Variants in JAKMIP2 observed in about 807,000 individuals in gnomAD.
JAKMIP2 encodes the protein janus kinase and microtubule interacting protein 2.
In JAKMIP2, 25 loss-of-function variants were observed where a neutral mutation model predicts 115.0. The ratio of observed to expected loss-of-function variants is 0.22; its 90% CI spans 0.16 to 0.30. The LOEUF (loss-of-function observed/expected upper bound fraction) is 0.30. Ranked by LOEUF, JAKMIP2 falls within the 10% of genes least tolerant of loss-of-function variation. The probability of loss-of-function intolerance (pLI) is 1.00; values close to 1 mark genes in which losing one functional copy is unlikely to be tolerated. For missense variants in JAKMIP2, 642 were observed against 957.6 expected, an observed-to-expected ratio of 0.67 and a Z score of 4.35; for synonymous variants, 334 against 343.6, an observed-to-expected ratio of 0.97 and a Z score of 0.31.
At chr5:147,618,660 C>T (rs913493292) in intron 18 of JAKMIP2, among the ~76,000 whole-genome samples, 1 of 152,154 alleles carries the variant, frequency 6.6e-6, no homozygotes, top group Non-Finnish European at 1.5e-5. Context: ...ATCACTGGAA[C>T]CCGAGAGGCG....
intron 5 of JAKMIP2, among the ~76,000 whole-genome samples, chr5:147,647,420 G>A (rs892096494): frequency 1.3e-5 from 2 of 151,904 alleles, no homozygotes; most frequent in South Asian, 2.1e-4. Flanking sequence ...AAACAAAAAC[G>A]TAAGCCATAG....
chr5:147,707,604 G>A (rs1052122716), intron 1 of JAKMIP2, among the ~76,000 whole-genome samples: 1 of 152,052 alleles, frequency 6.6e-6, no homozygotes, highest in African/African-American at 2.4e-5. Context: ...GTAGCTACCA[G>A]TGTTTCCCTA....
intron 1 of JAKMIP2, among the ~76,000 whole-genome samples, chr5:147,776,874 G>A (rs1156263517): frequency 6.6e-6 from 1 of 152,234 alleles, no homozygotes; most frequent in East Asian, 1.9e-4. Context: ...GTTGCAGTGA[G>A]CCAAGACCAT....
At chr5:147,613,238 T>C (rs1016807704) in intron 19 of JAKMIP2, among the ~76,000 whole-genome samples, 3 of 152,222 alleles carry the variant, frequency 2.0e-5, no homozygotes, top group Non-Finnish European at 4.4e-5. Context: ...TTTGTGTTCA[T>C]GTACATGGTT....
intron 3 of JAKMIP2, among the ~76,000 whole-genome samples, chr5:147,656,224 T>C (rs1384935152): frequency 6.6e-6 from 1 of 152,242 alleles, no homozygotes; most frequent in African/African-American, 2.4e-5. Context: ...CAGAGCTGAG[T>C]TGAAGTCCTG....
At chr5:147,706,665 G>A (rs969978911) in intron 1 of JAKMIP2, among the ~76,000 whole-genome samples, 4 of 152,048 alleles carry the variant, frequency 2.6e-5, no homozygotes, top group Admixed American at 6.6e-5. Flanking sequence ...ATTACTGATG[G>A]AGTATTTCTA....
At chr5:147,636,723 G>A (rs1330259564) in intron 11 of JAKMIP2, among the ~76,000 whole-genome samples, 10 of 152,166 alleles carry the variant, frequency 6.6e-5, no homozygotes, top group Admixed American at 6.5e-4. Context: ...TTTGTACAGG[G>A]TTCCTCTTCC....
Position 147,782,517 on chromosome 5 carries a change from T to A in JAKMIP2, c.-210A>T. ...GAGATGCAAACTGAATCCATTTTCC[T>A]TGTGACCGAGTCGGATGCAGCCTCC... On this transcript the variant is annotated 5_prime_UTR_variant, in exon 1 of 22. It adds an upstream start codon to the 5' untranslated region. Transcript: ENST00000616793. 1 of 1,529,928 alleles carries A rather than the reference T, an allele frequency of 6.5e-7. No homozygotes were observed. Among genetic ancestry groups the A allele is most frequent in the Non-Finnish European group, 8.8e-7 (1 of 1,141,372 alleles). The allele number at this position is 1,529,928 out of a possible 1,614,324, so 94.8% of individuals were successfully genotyped here.
At chr5:147,751,461 T>C (rs1404492891) in intron 1 of JAKMIP2, among the ~76,000 whole-genome samples, 1 of 151,984 alleles carries the variant, frequency 6.6e-6, no homozygotes, top group East Asian at 1.9e-4. Context: ...GTTTGGGAGA[T>C]GTAGTTTGGC....
chr5:147,599,557 GA>G (rs1388789342), intron 21 of JAKMIP2, among the ~76,000 whole-genome samples: 2 of 152,118 alleles, frequency 1.3e-5, no homozygotes, highest in Non-Finnish European at 2.9e-5. Flanking sequence ...TACTTTGGAG[GA>G]AAAACATCAA....
At chr5:147,625,215 A>G (rs1230199933) in intron 16 of JAKMIP2, among the ~76,000 whole-genome samples, 1 of 152,152 alleles carries the variant, frequency 6.6e-6, no homozygotes, top group East Asian at 1.9e-4. Context: ...TCCTGAGCTC[A>G]GGCAATCCAG....
chr5:147,770,901 T>A (rs1437226495), intron 1 of JAKMIP2, among the ~76,000 whole-genome samples: 1 of 152,122 alleles, frequency 6.6e-6, no homozygotes, highest in Non-Finnish European at 1.5e-5. Context: ...TCACACAAAA[T>A]CTCTTAATAG....
chr5:147,771,066 G>A (rs1755335601), intron 1 of JAKMIP2, among the ~76,000 whole-genome samples: 1 of 152,076 alleles, frequency 6.6e-6, no homozygotes, highest in East Asian at 1.9e-4. Flanking sequence ...AGCAAGAATT[G>A]TGTCTTGATG....
chr5:147,619,948 T>C (rs1756769914), intron 18 of JAKMIP2, among the ~76,000 whole-genome samples: 1 of 152,238 alleles, frequency 6.6e-6, no homozygotes, highest in South Asian at 2.1e-4. Flanking sequence ...ATTAAAAATA[T>C]GCATAACAAA....
intron 1 of JAKMIP2, among the ~76,000 whole-genome samples, chr5:147,727,982 G>A (rs571906148): frequency 1.6e-4 from 24 of 152,256 alleles, no homozygotes; most frequent in African/African-American, 5.1e-4. Context: ...TGGGAAAAAC[G>A]TCTATTTTCC....
At position 147,602,091 on chromosome 5, in the gene JAKMIP2, A is replaced by C. The variant is rs181175030; in HGVS notation, c.2413-280T>G. Among the ~76,000 whole-genome samples the C allele has an allele frequency of 9.2e-3, 1,404 of 152,364 alleles. 19 individuals carry two copies. Among genetic ancestry groups the C allele is most frequent in the South Asian group, 0.019 (92 of 4,826 alleles). ...CAGATAAGAAAAATAAGCACAGAGC[A>C]GTAAATCAATAGTTTAATTTCATAC... On this transcript the variant is annotated intron_variant, in intron 20 of 21. Transcript: ENST00000616793.
chr5:147,731,082 A>C (rs1338404326), intron 1 of JAKMIP2, among the ~76,000 whole-genome samples: 2 of 152,222 alleles, frequency 1.3e-5, no homozygotes, highest in African/African-American at 2.4e-5. Flanking sequence ...ATGAATGGGC[A>C]GGAAATGAAA....
chr5:147,711,558 T>G (rs947423483), intron 1 of JAKMIP2, among the ~76,000 whole-genome samples: 1 of 152,212 alleles, frequency 6.6e-6, no homozygotes, highest in African/African-American at 2.4e-5. Flanking sequence ...TTATTAAGCC[T>G]CAGTTTCCTC....
At chr5:147,622,690 T>C (rs1272600732) in intron 17 of JAKMIP2, among the ~76,000 whole-genome samples, 3 of 152,242 alleles carry the variant, frequency 2.0e-5, no homozygotes, top group Non-Finnish European at 4.4e-5. Context: ...CTTTTGGCTA[T>C]TGTGAATAAT....
Sources: allele counts gnomAD v4.1 joint callset (sites outside exome capture counted in the v4.1 genomes callset), GRCh38; gene constraint gnomAD v4.1.1; transcripts MANE v1.5; gene names NCBI Gene and HGNC (gene_info 2026-07-23, HGNC 2026-07-21).